The following PCDHGA7 variants were observed in gnomAD, a reference collection of about 807,000 sequenced individuals.
The protein encoded by PCDHGA7 is protocadherin gamma-A7.
Under a neutral mutation model 58.3 loss-of-function variants are expected in PCDHGA7, and 44 were observed. The observed-to-expected ratio is 0.75, with a 90% confidence interval of 0.59 to 0.97. PCDHGA7 has a LOEUF of 0.97. PCDHGA7 is among the 50% of genes least tolerant of loss of function. PCDHGA7 has a pLI of 0.00. For missense variants in PCDHGA7, 1,266 were observed against 1,188.7 expected, an observed-to-expected ratio of 1.06 and a Z score of -0.96; for synonymous variants, 516 against 504.2, an observed-to-expected ratio of 1.02 and a Z score of -0.31.
At chr5:141,419,125 C>T in intron 1 of PCDHGA7, 1 of 1,613,852 alleles carries the variant, frequency 6.2e-7, no homozygotes, top group South Asian at 1.1e-5. Flanking sequence ...ACGTCACCAT[C>T]GCAGCCACAG....
chr5:141,432,286 C>T lies in PCDHGA7; in HGVS notation c.2424+46963C>T. ...TATCGTCCTACGTGTCCATCAACTCCGACACTGGGGTACTGTATGCGCTGA... is the reference window on the plus strand; with the variant it reads ...TATCGTCCTACGTGTCCATCAACTCTGACACTGGGGTACTGTATGCGCTGA... On this transcript the variant is annotated intron_variant, in intron 1 of 3. Transcript: ENST00000518325. This position sits in a 1 kb window ranked among gnomAD's most constrained non-coding sequence, Gnocchi z 6.0. 3 of 1,614,252 alleles carry T rather than the reference C, an allele frequency of 1.9e-6. No homozygotes were observed. Among genetic ancestry groups the T allele is most frequent in the Non-Finnish European group, 2.5e-6 (3 of 1,180,048 alleles).
rs141514361 is a variant in PCDHGA7, at chr5:141,494,629, A to G, written c.2425-178A>G. 4,666 of 858,664 alleles carry G rather than the reference A, an allele frequency of 5.4e-3. 23 individuals are homozygous for G. Among genetic ancestry groups the G allele is most frequent in the Admixed American group, 0.011 (170 of 16,094 alleles). 53.2% of individuals were successfully genotyped at this position (858,664 alleles called of 1,614,324 possible). On this transcript the variant is annotated intron_variant, in intron 1 of 3. Coordinates refer to ENST00000518325, the MANE Select transcript of PCDHGA7 (RefSeq NM_018920.4). ...TATCTCTTGGTTTCTGGTACCTCAGACCTCTGAGACCTGAGGTGTATTTTG... is the reference window on the plus strand; with the variant it reads ...TATCTCTTGGTTTCTGGTACCTCAGGCCTCTGAGACCTGAGGTGTATTTTG...
chr5:141,491,598 C>T lies in PCDHGA7; in HGVS notation c.2425-3209C>T, dbSNP rs1410472886. On this transcript the variant is annotated intron_variant, in intron 1 of 3. Transcript: ENST00000518325. This position sits in a 1 kb window ranked among gnomAD's most constrained non-coding sequence, Gnocchi z 6.9. ...TTTCACCGGCCTCGGACGGCAGTGA[C>T]TTCACTTTTCTAAGACCCCTCAGCG... 1.4e-5 allele frequency: 22 copies of T among 1,613,872 alleles called. No homozygotes were observed. The highest frequency in any genetic ancestry group is 1.8e-5 in the Non-Finnish European group (21 of 1,180,048).
chr5:141,417,902 C>G (rs2096184021), intron 1 of PCDHGA7: 1 of 1,588,280 alleles, frequency 6.3e-7, no homozygotes, highest in Non-Finnish European at 8.6e-7. Context: ...CGGCCCGCGG[C>G]AGGTACTATT....
rs750200042 is a variant in PCDHGA7, at chr5:141,418,821, C to A, written c.2424+33498C>A. On this transcript the variant is annotated intron_variant, in intron 1 of 3. Coordinates refer to ENST00000518325, the MANE Select transcript of PCDHGA7 (RefSeq NM_018920.4). ...GAAAGATATACGATAAACATAGAAG[C>A]AAAAGACCGAGGATCTCTCTCAACA... 8.1e-6 allele frequency: 13 copies of A among 1,613,846 alleles called. 1 individual carries two copies. The highest frequency in any genetic ancestry group is 1.6e-4 in the Middle Eastern group (1 of 6,062).
At chr5:141,501,755 G>C (rs2099810889) in intron 2 of PCDHGA7, among the ~76,000 whole-genome samples, 1 of 152,116 alleles carries the variant, frequency 6.6e-6, no homozygotes, top group Non-Finnish European at 1.5e-5. Context: ...GAAGCTCTCA[G>C]TAAATGGTTA....
intron 1 of PCDHGA7, chr5:141,408,979 C>A (rs1331121466): frequency 6.2e-7 from 1 of 1,613,862 alleles, no homozygotes; most frequent in East Asian, 2.2e-5. Flanking sequence ...CCCCTGGGTC[C>A]CCTGTGTTGC....
At chr5:141,403,979 A>G in intron 1 of PCDHGA7, 1 of 1,613,932 alleles carries the variant, frequency 6.2e-7, no homozygotes, top group Non-Finnish European at 8.5e-7. Context: ...TGTAAATGAC[A>G]ATAGACCTGA....
chr5:141,393,532 C>T (rs1411410420), intron 1 of PCDHGA7: 5 of 1,613,886 alleles, frequency 3.1e-6, no homozygotes, highest in African/African-American at 2.7e-5. Flanking sequence ...GACAATGCCC[C>T]GGTTTTTCCT....
At position 141,404,694 on chromosome 5, in the gene PCDHGA7, C is replaced by G. The variant is rs749803871; in HGVS notation, c.2424+19371C>G. 3.1e-6 allele frequency: 5 copies of G among 1,613,998 alleles called. No individual in the cohort carries two copies. In the Admixed American group the frequency reaches 5.0e-5, roughly 16 times the overall value. On this transcript the variant is annotated intron_variant, in intron 1 of 3. Coordinates refer to ENST00000518325, the MANE Select transcript of PCDHGA7 (RefSeq NM_018920.4). ...ACTGGTGTGGAGCTGGCACCCCGCT[C>G]TGCAGAGCCTGGCTACCTGGTGACC...
chr5:141,413,668 G>T lies in PCDHGA7; in HGVS notation c.2424+28345G>T, dbSNP rs1286766786. ...TCCTCTCCCGGAAGCTATTGATCCG[G>T]ATGTGGGCGTGAACTCCCTGCAGAG... is the stretch of plus-strand genomic sequence containing the variant. On this transcript the variant is annotated intron_variant, in intron 1 of 3. Transcript: ENST00000518325. 6 of 1,613,754 alleles carry T rather than the reference G, an allele frequency of 3.7e-6. No homozygotes were observed. The Admixed American group carries it at 8.3e-5, about 22-fold the overall frequency.
chr5:141,408,972 C>T, intron 1 of PCDHGA7: 8 of 1,613,870 alleles, frequency 5.0e-6, no homozygotes, highest in Non-Finnish European at 5.9e-6. Flanking sequence ...AATCTGCCCC[C>T]TGGGTCCCCT....
Position 141,486,829 on chromosome 5 carries a change from T to A in PCDHGA7, c.2425-7978T>A. 1 of 1,614,178 alleles carries A rather than the reference T, an allele frequency of 6.2e-7. No individual in the cohort carries two copies. On this transcript the variant is annotated intron_variant, in intron 1 of 3. Coordinates refer to ENST00000518325, the MANE Select transcript of PCDHGA7 (RefSeq NM_018920.4). The surrounding 1 kb of genome is among the most constrained non-coding windows in gnomAD (Gnocchi z 5.0). ...CCCTTAGCAGCACTGTAACAGTTCG[T>A]CTATTTGTGCTGGACCTCAATGACA...
chr5:141,432,449 T>C lies in PCDHGA7; in HGVS notation c.2424+47126T>C. 5.6e-6 allele frequency: 9 copies of C among 1,614,220 alleles called. No individual in the cohort carries two copies. The highest frequency in any genetic ancestry group is 7.6e-6 in the Non-Finnish European group (9 of 1,180,038). On this transcript the variant is annotated intron_variant, in intron 1 of 3. Coordinates refer to ENST00000518325, the MANE Select transcript of PCDHGA7 (RefSeq NM_018920.4). The surrounding 1 kb of genome is among the most constrained non-coding windows in gnomAD (Gnocchi z 6.0). The stretch of plus-strand genomic sequence containing the variant: ...GAACGACAATGCGCCCGAGATCCTG[T>C]ACCCCGCCCTCCCCACGGACGGTTC...
At chr5:141,459,984 A>G (rs906041823) in intron 1 of PCDHGA7, among the ~76,000 whole-genome samples, 4 of 152,216 alleles carry the variant, frequency 2.6e-5, no homozygotes, top group Non-Finnish European at 5.9e-5. Flanking sequence ...AGGCTGAGAC[A>G]GGAGAATCGC....
chr5:141,394,521 G>C, intron 1 of PCDHGA7: 1 of 1,614,212 alleles, frequency 6.2e-7, no homozygotes, highest in Non-Finnish European at 8.5e-7. Context: ...CCTCCCCACA[G>C]ACGGTTCCAC....
intron 1 of PCDHGA7, chr5:141,405,458 T>C (rs2094670240): frequency 2.4e-6 from 3 of 1,231,152 alleles, no homozygotes; most frequent in Non-Finnish European, 2.3e-6. Flanking sequence ...CTTACTCTGT[T>C]ACCCAGGCTG....
At chr5:141,441,962 G>A in intron 1 of PCDHGA7, 1 of 313,768 alleles carries the variant, frequency 3.2e-6, no homozygotes, top group Admixed American at 4.1e-5. Context: ...AGCAAGCCCA[G>A]GCTCTTCAGC....
chr5:141,389,509 C>A, intron 1 of PCDHGA7: 2 of 1,613,118 alleles, frequency 1.2e-6, no homozygotes, highest in Non-Finnish European at 8.5e-7. Flanking sequence ...GCGCTCAGCG[C>A]GAACGTGAGC....
Sources: allele counts gnomAD v4.1 joint callset (sites outside exome capture counted in the v4.1 genomes callset), GRCh38; gene constraint gnomAD v4.1.1; non-coding constraint Gnocchi (gnomAD v3.1); transcripts MANE v1.5; gene names NCBI Gene and HGNC (gene_info 2026-07-23, HGNC 2026-07-21).